The following PJA2 variants were observed in gnomAD, a reference collection of about 807,000 sequenced individuals.
PJA2 encodes the protein praja ring finger ubiquitin ligase 2, also known as E3 ubiquitin-protein ligase Praja-2.
PJA2 carries 25 observed loss-of-function variants against 69.3 expected under a neutral mutation model. The observed-to-expected ratio is 0.36, with a 90% confidence interval of 0.26 to 0.50. The LOEUF is 0.50. Ranked by LOEUF, PJA2 falls within the 20% of genes least tolerant of loss-of-function variation. The pLI is 0.96. For missense variants in PJA2, 809 were observed against 830.2 expected, an observed-to-expected ratio of 0.97 and a Z score of 0.31; for synonymous variants, 308 against 277.8, an observed-to-expected ratio of 1.11 and a Z score of -1.08.
At chr5:109,384,857 G>A (rs550663644) in intron 1 of PJA2, among the ~76,000 whole-genome samples, 22 of 151,806 alleles carry the variant, frequency 1.4e-4, no homozygotes, top group African/African-American at 4.8e-4. Context: ...TTGCTCTGTC[G>A]CCCAGGCTGG....
intron 1 of PJA2, among the ~76,000 whole-genome samples, chr5:109,389,202 T>C (rs2127011793): frequency 6.6e-6 from 1 of 152,278 alleles, no homozygotes; most frequent in African/African-American, 2.4e-5. Flanking sequence ...TCTTGTTCTC[T>C]AGAAGAGTCT....
chr5:109,359,418 G>T (rs1252547459), intron 6 of PJA2, among the ~76,000 whole-genome samples: 1 of 152,106 alleles, frequency 6.6e-6, no homozygotes, highest in Admixed American at 6.6e-5. Flanking sequence ...AAGGATAAAT[G>T]ACAACTGTAA....
At chr5:109,365,207 C>T (rs562987169) in intron 5 of PJA2, among the ~76,000 whole-genome samples, 2 of 152,244 alleles carry the variant, frequency 1.3e-5, no homozygotes, top group Admixed American at 6.5e-5. Flanking sequence ...AAACTGTCCA[C>T]CAAATGAAAC....
chr5:109,353,429 GAT>G (rs1762310591), intron 7 of PJA2, among the ~76,000 whole-genome samples: 4 of 47,318 alleles, frequency 8.5e-5, no homozygotes, highest in African/African-American at 2.2e-4. Context: ...CTATATATTA[GAT>G]ACCTATATAT....
intron 3 of PJA2, among the ~76,000 whole-genome samples, chr5:109,380,179 C>T (rs377123620): frequency 2.3e-4 from 34 of 149,106 alleles, no homozygotes; most frequent in Middle Eastern, 3.5e-3. Flanking sequence ...CTGCAAGCTC[C>T]GCCTCCCAGG....
intron 1 of PJA2, among the ~76,000 whole-genome samples, chr5:109,395,051 G>C (rs946889143): frequency 2.6e-5 from 4 of 152,134 alleles, no homozygotes; most frequent in African/African-American, 9.7e-5. Context: ...TTAAGTCTTA[G>C]GGAGCAGTGT....
chr5:109,354,047 T>C (rs1762342763), intron 7 of PJA2, among the ~76,000 whole-genome samples: 1 of 136,090 alleles, frequency 7.3e-6, no homozygotes, highest in African/African-American at 2.9e-5. Flanking sequence ...ATCTATAGAT[T>C]AGATATCTAT....
At chr5:109,374,225 T>C (rs2127004207) in intron 4 of PJA2, among the ~76,000 whole-genome samples, 1 of 152,326 alleles carries the variant, frequency 6.6e-6, no homozygotes, top group East Asian at 1.9e-4. Flanking sequence ...GTTATTGTAA[T>C]CCCATGAACT....
In PJA2 at chr5:109,363,011, G is replaced by A. The variant is rs149837114; in HGVS notation, c.1481C>T (p.Ser494Phe). The A allele has an allele frequency of 6.7e-4, 1,069 of 1,596,226 alleles. No homozygotes were observed. The highest frequency in any genetic ancestry group is 8.6e-4 in the Non-Finnish European group (1,001 of 1,167,156). Residue 494 changes from serine (S) to phenylalanine (F), a missense_variant, in exon 6 of 10, where the codon TCC (serine) becomes TTC (phenylalanine). Around this residue, in one of 4 missense-constraint regions of PJA2, gnomAD observed 700 missense variants for 639.5 expected, o/e 1.09. Coordinates refer to ENST00000361189, the MANE Select transcript of PJA2 (RefSeq NM_014819.5). Reference sequence around the variant, plus strand: ...CCAAGGAATTTCTCCCTCTTCCAAGGATGTCTGTTCCCTAGTACAAACATT... The same window carrying A: ...CCAAGGAATTTCTCCCTCTTCCAAGAATGTCTGTTCCCTAGTACAAACATT... The part of the protein sequence containing the change: ...ELSLQEGEQT[S>F]LEEGEIPWLQ...
At chr5:109,401,759 G>A (rs1359681466) in intron 1 of PJA2, among the ~76,000 whole-genome samples, 2 of 152,164 alleles carry the variant, frequency 1.3e-5, no homozygotes, top group African/African-American at 2.4e-5. Flanking sequence ...CATGCAGAAA[G>A]AATAAGCACT....
At chr5:109,403,679 T>A (rs181158326) in intron 1 of PJA2, among the ~76,000 whole-genome samples, 1 of 148,990 alleles carries the variant, frequency 6.7e-6, no homozygotes, top group African/African-American at 2.5e-5. Flanking sequence ...ACGTAATTCA[T>A]CACATTAACA....
chr5:109,406,082 C>G (rs376563322), intron 1 of PJA2, among the ~76,000 whole-genome samples: 1 of 142,208 alleles, frequency 7.0e-6, no homozygotes, highest in African/African-American at 2.6e-5. Context: ...CTCGCTCTGT[C>G]GCCCAGGCTG....
At chr5:109,340,038 C>A (rs1016165100) in intron 9 of PJA2, among the ~76,000 whole-genome samples, 3 of 152,176 alleles carry the variant, frequency 2.0e-5, no homozygotes, top group Admixed American at 1.3e-4. Context: ...TTGAGACACA[C>A]ATTATCTCTA....
intron 1 of PJA2, among the ~76,000 whole-genome samples, chr5:109,406,868 C>T (rs1246530978): frequency 1.3e-5 from 2 of 152,070 alleles, no homozygotes; most frequent in Non-Finnish European, 2.9e-5. Flanking sequence ...AAAATGAGAA[C>T]CCGTTAAATA....
At chr5:109,341,974 G>T (rs1582580152) in intron 9 of PJA2, among the ~76,000 whole-genome samples, 1 of 130,588 alleles carries the variant, frequency 7.7e-6, no homozygotes, top group African/African-American at 2.9e-5. Flanking sequence ...CCTCTGCCCG[G>T]CCAGCCGCCC....
At chr5:109,407,414 G>T (rs1388880777) in intron 1 of PJA2, among the ~76,000 whole-genome samples, 1 of 152,038 alleles carries the variant, frequency 6.6e-6, no homozygotes, top group South Asian at 2.1e-4. Flanking sequence ...TAATATCAGC[G>T]GCTTTACCAG....
At chr5:109,402,025 G>A (rs1038442769) in intron 1 of PJA2, among the ~76,000 whole-genome samples, 1 of 152,042 alleles carries the variant, frequency 6.6e-6, no homozygotes, top group African/African-American at 2.4e-5. Flanking sequence ...TATAAAATGT[G>A]GTATAGTATT....
At chr5:109,376,254 TGTA>T (rs1227968867) in intron 4 of PJA2, among the ~76,000 whole-genome samples, 20 of 27,014 alleles carry the variant, frequency 7.4e-4, no homozygotes, top group African/African-American at 4.6e-3. Flanking sequence ...ATATATTGTT[TGTA>T]AAAAAAAAAA....
At chr5:109,338,337 A>C (rs1365864578) in intron 9 of PJA2, among the ~76,000 whole-genome samples, 2 of 152,062 alleles carry the variant, frequency 1.3e-5, no homozygotes, top group Non-Finnish European at 2.9e-5. Flanking sequence ...TATTACGTTT[A>C]CCGTTTAAGA....
Sources: gnomAD v4.1 joint callset for allele counts (sites outside exome capture counted in the v4.1 genomes callset) on GRCh38, gnomAD v4.1.1 for gene constraint, gnomAD v4.1.1 regional missense constraint, MANE v1.5 for transcripts, NCBI Gene and HGNC (gene_info 2026-07-23, HGNC 2026-07-21) for gene names.